The following KIFC3 variants were observed in gnomAD, a reference collection of about 807,000 sequenced individuals.
KIFC3 encodes the protein kinesin-like protein KIFC3.
A neutral mutation model predicts 101.8 loss-of-function variants in KIFC3; 60 were observed. The ratio of observed to expected loss-of-function variants is 0.59; its 90% CI spans 0.48 to 0.73. The LOEUF is 0.73. Among genes scored for constraint, KIFC3 ranks in the 30% least tolerant of loss-of-function variants. The pLI is 0.00. For synonymous variants in KIFC3, 476 were observed against 482.7 expected, an observed-to-expected ratio of 0.99 and a Z score of 0.18; for missense variants, 966 against 1,137.1, an observed-to-expected ratio of 0.85 and a Z score of 2.16.
At chr16:57,851,949 C>T (rs1209865204) in intron 1 of KIFC3, among the ~76,000 whole-genome samples, 2 of 152,096 alleles carry the variant, frequency 1.3e-5, no homozygotes, top group Non-Finnish European at 1.5e-5. Context: ...CCATGTTGGC[C>T]AGGCTGGTCT....
At chr16:57,841,800 C>T (rs573745180) in intron 1 of KIFC3, among the ~76,000 whole-genome samples, 18 of 152,284 alleles carry the variant, frequency 1.2e-4, no homozygotes, top group Middle Eastern at 6.8e-3. Flanking sequence ...CTGCATGAGT[C>T]TCTTGTGTCT....
At chr16:57,813,851 A>G in intron 1 of KIFC3, 5 of 985,414 alleles carry the variant, frequency 5.1e-6, no homozygotes, top group Non-Finnish European at 6.0e-6. Flanking sequence ...GCTCTCCTGG[A>G]CATAAAAGCC....
intron 1 of KIFC3, among the ~76,000 whole-genome samples, chr16:57,842,631 T>C (rs1490742959): frequency 6.6e-6 from 1 of 152,214 alleles, no homozygotes; most frequent in Non-Finnish European, 1.5e-5. Flanking sequence ...GAAGCCTCTG[T>C]CGTTTGCTTT....
intron 1 of KIFC3, among the ~76,000 whole-genome samples, chr16:57,855,209 T>C (rs247060): frequency 0.9 from 135,395 of 150,182 alleles, 61,035 homozygotes; most frequent in Middle Eastern, 0.97. Context: ...ACTGAAACCT[T>C]CGCCTCCCAG....
upstream of KIFC3, chr16:57,807,713 G>C (rs991284816): frequency 5.9e-5 from 9 of 151,960 alleles, no homozygotes; most frequent in Non-Finnish European, 1.3e-4. Context: ...GAGACAGGAG[G>C]ATCGCTTGAG....
intron 1 of KIFC3, among the ~76,000 whole-genome samples, chr16:57,852,600 T>C (rs1185294595): frequency 2.0e-5 from 3 of 152,226 alleles, no homozygotes; most frequent in African/African-American, 7.2e-5. Flanking sequence ...TTTTTACTTT[T>C]TAAATCCTTT....
At chr16:57,765,193 G>C (rs1234933689) in intron 11 of KIFC3, among the ~76,000 whole-genome samples, 4 of 152,132 alleles carry the variant, frequency 2.6e-5, no homozygotes, top group African/African-American at 9.7e-5. Flanking sequence ...CGGTAGAAGG[G>C]GCCTTGGGGA....
intron 3 of KIFC3, chr16:57,776,001 C>T (rs577231741): frequency 1.0e-6 from 1 of 985,518 alleles, no homozygotes; most frequent in South Asian, 4.7e-5. Context: ...TGCATTTACA[C>T]TTCACAGGCA....
intron 3 of KIFC3, among the ~76,000 whole-genome samples, chr16:57,780,232 C>G (rs1003009313): frequency 6.6e-6 from 1 of 152,182 alleles, no homozygotes; most frequent in African/African-American, 2.4e-5. Context: ...TCAGATCAGC[C>G]GGGCGCGGTG....
At chr16:57,857,395 C>T (rs74019708) in intron 1 of KIFC3, among the ~76,000 whole-genome samples, 13 of 135,926 alleles carry the variant, frequency 9.6e-5, no homozygotes, top group East Asian at 2.3e-4. Flanking sequence ...TAAAACCTTT[C>T]TTTTTTTTTT....
At chr16:57,791,517 G>C (rs1159022437) in intron 3 of KIFC3, among the ~76,000 whole-genome samples, 1 of 152,178 alleles carries the variant, frequency 6.6e-6, no homozygotes, top group East Asian at 1.9e-4. Context: ...AACCCTACCA[G>C]GTTGCTACAC....
intron 1 of KIFC3, among the ~76,000 whole-genome samples, chr16:57,852,979 A>G (rs1472509763): frequency 6.6e-6 from 1 of 152,230 alleles, no homozygotes; most frequent in Non-Finnish European, 1.5e-5. Context: ...TTAGTATGCT[A>G]TAGTATATTT....
intron 2 of KIFC3, chr16:57,797,581 A>AC: frequency 1.9e-6 from 1 of 517,930 alleles, no homozygotes; most frequent in Non-Finnish European, 2.6e-6. Context: ...GAGCACATGG[A>AC]CCCCAAGCCC....
At chr16:57,854,300 C>G (rs1242736591) in intron 1 of KIFC3, among the ~76,000 whole-genome samples, 1 of 152,008 alleles carries the variant, frequency 6.6e-6, no homozygotes, top group Non-Finnish European at 1.5e-5. Context: ...AAAAGAAAAC[C>G]CACTTTATAT....
At chr16:57,778,094 C>T (rs2052328818) in intron 3 of KIFC3, among the ~76,000 whole-genome samples, 2 of 152,280 alleles carry the variant, frequency 1.3e-5, no homozygotes, top group South Asian at 2.1e-4. Flanking sequence ...GCCTGGGCAA[C>T]ATAGGGAAAC....
intron 2 of KIFC3, among the ~76,000 whole-genome samples, chr16:57,797,472 C>T (rs781806498): frequency 4.6e-5 from 7 of 152,188 alleles, no homozygotes; most frequent in South Asian, 4.1e-4. Context: ...CCCAGAAAGG[C>T]GAGCTGGCAC....
At chr16:57,790,533 G>A (rs1363145257) in intron 3 of KIFC3, among the ~76,000 whole-genome samples, 1 of 152,172 alleles carries the variant, frequency 6.6e-6, no homozygotes, top group Non-Finnish European at 1.5e-5. Context: ...ACGTAGTCTA[G>A]AGGCGGCAAG....
At chr16:57,779,746 G>GA (rs2052508133) in intron 3 of KIFC3, 1 of 152,150 alleles carries the variant, frequency 6.6e-6, no homozygotes, top group African/African-American at 2.4e-5. Flanking sequence ...CCCAGGAGGC[G>GA]AAAGTTGCAG....
At position 57,758,891 on chromosome 16, in the gene KIFC3, G is replaced by T. The variant is rs2049442651; in HGVS notation, c.*43C>A. ...CCAGCGGGGTCACATCCGTCACACA[G>T]GCAGTGGCCGCGACTTCCCTGCAGG... On this transcript the variant is annotated 3_prime_UTR_variant, in exon 20 of 20. Coordinates refer to ENST00000445690, the MANE Select transcript of KIFC3 (RefSeq NM_001130100.2). 1 of 1,588,740 alleles carries T rather than the reference G, an allele frequency of 6.3e-7. No individual in the cohort carries two copies. The highest frequency in any genetic ancestry group is 1.7e-5 in the Admixed American group (1 of 57,908).
Sources: allele counts gnomAD v4.1 joint callset (sites outside exome capture counted in the v4.1 genomes callset), GRCh38; gene constraint gnomAD v4.1.1; transcripts MANE v1.5; gene names NCBI Gene and HGNC (gene_info 2026-07-23, HGNC 2026-07-21).